FAR2: variants seen among roughly 807,000 people sequenced by gnomAD.
The protein encoded by FAR2 is fatty acyl-CoA reductase 2.
A neutral mutation model predicts 56.0 loss-of-function variants in FAR2; 19 were observed. The observed-to-expected ratio is 0.34, with a 90% CI of 0.24 to 0.50. The LOEUF is 0.50. Among genes scored for constraint, FAR2 ranks in the 20% least tolerant of loss-of-function variants. The probability of loss-of-function intolerance (pLI) is 0.98; values close to 1 mark genes in which losing one functional copy is unlikely to be tolerated. For synonymous variants in FAR2, 219 were observed against 218.8 expected (o/e 1.00, Z -0.01); for missense variants, 508 against 642.2 (o/e 0.79, Z 2.26).
intron 1 of FAR2, among the ~76,000 whole-genome samples, chr12:29,266,266 A>T (rs1052898183): frequency 6.6e-6 from 1 of 152,236 alleles, no homozygotes; most frequent in African/African-American, 2.4e-5. Context: ...CCAAGTGTCC[A>T]TCAATAGATG....
intron 1 of FAR2, among the ~76,000 whole-genome samples, chr12:29,264,653 A>C (rs1459993643): frequency 9.0e-6 from 1 of 110,816 alleles, no homozygotes; most frequent in East Asian, 3.1e-4. Context: ...ATAAATAAAT[A>C]AATAAAGGAG....
At chr12:29,187,508 A>G (rs1285353441) in intron 1 of FAR2, among the ~76,000 whole-genome samples, 1 of 152,180 alleles carries the variant, frequency 6.6e-6, no homozygotes, top group Admixed American at 6.5e-5. Context: ...AAGTATATTG[A>G]GCCTGTACAT....
intron 1 of FAR2, among the ~76,000 whole-genome samples, chr12:29,203,427 A>G (rs1419742511): frequency 6.6e-6 from 1 of 152,190 alleles, no homozygotes; most frequent in East Asian, 1.9e-4. Context: ...TTTGGTACAC[A>G]TGATAGAATC....
At chr12:29,299,052 A>AGT (rs1949115751) in intron 4 of FAR2, among the ~76,000 whole-genome samples, 1 of 151,860 alleles carries the variant, frequency 6.6e-6, no homozygotes, top group Non-Finnish European at 1.5e-5. Flanking sequence ...TGTCTCTACT[A>AGT]AATACAAAAA....
chr12:29,272,404 C>A (rs1382681127), intron 2 of FAR2, among the ~76,000 whole-genome samples: 1 of 152,170 alleles, frequency 6.6e-6, no homozygotes, highest in East Asian at 1.9e-4. Flanking sequence ...GATATCCTTT[C>A]TTCCACTCAG....
chr12:29,275,649 T>C (rs1364069716), intron 2 of FAR2, among the ~76,000 whole-genome samples: 1 of 152,184 alleles, frequency 6.6e-6, no homozygotes, highest in Non-Finnish European at 1.5e-5. Flanking sequence ...TAGGCCATCT[T>C]GGTCGCACCT....
intron 1 of FAR2, among the ~76,000 whole-genome samples, chr12:29,240,435 T>C (rs567243287): frequency 6.6e-6 from 1 of 152,038 alleles, no homozygotes; most frequent in Non-Finnish European, 1.5e-5. Context: ...TGCTCCACTT[T>C]CCAAAAGTAC....
chr12:29,151,866 T>A (rs1949683703), intron 1 of FAR2: 1 of 152,226 alleles, frequency 6.6e-6, no homozygotes. Flanking sequence ...AGGTAATAAT[T>A]GTAAAAAATG....
At chr12:29,328,156 G>A (rs11050197) in intron 10 of FAR2, among the ~76,000 whole-genome samples, 46,805 of 151,818 alleles carry the variant, frequency 0.31, 7,273 homozygotes, top group East Asian at 0.35. Context: ...ATGAAAAAAT[G>A]CTCATCATCA....
At chr12:29,178,995 T>C (rs1029846708) in intron 1 of FAR2, among the ~76,000 whole-genome samples, 1 of 152,086 alleles carries the variant, frequency 6.6e-6, no homozygotes, top group Non-Finnish European at 1.5e-5. Flanking sequence ...CTCTCTCTCT[T>C]TGGCTGGTAG....
At chr12:29,288,335 T>G (rs1029840739) in intron 2 of FAR2, among the ~76,000 whole-genome samples, 2 of 152,152 alleles carry the variant, frequency 1.3e-5, no homozygotes, top group South Asian at 4.1e-4. Flanking sequence ...TACCTCTCAG[T>G]CTTGTGCCAT....
chr12:29,299,213 CAA>C (rs71042981), intron 4 of FAR2, among the ~76,000 whole-genome samples: 11,592 of 103,284 alleles, frequency 0.11, 559 homozygotes, highest in East Asian at 0.18. Flanking sequence ...AACTTTGTCT[CAA>C]AAAAAAAAAA....
intron 1 of FAR2, among the ~76,000 whole-genome samples, chr12:29,214,289 A>G (rs1331823580): frequency 1.3e-5 from 2 of 152,224 alleles, no homozygotes; most frequent in Non-Finnish European, 2.9e-5. Context: ...CATATAAAGT[A>G]GGCCTTACTA....
intron 1 of FAR2, among the ~76,000 whole-genome samples, chr12:29,185,496 C>A (rs16933990): frequency 1.3e-5 from 2 of 152,002 alleles, no homozygotes; most frequent in Admixed American, 6.5e-5. Flanking sequence ...AACATTATAC[C>A]GGGTGAACAA....
intron 1 of FAR2, among the ~76,000 whole-genome samples, chr12:29,223,391 G>A (rs779815562): frequency 6.6e-6 from 1 of 152,208 alleles, no homozygotes; most frequent in Non-Finnish European, 1.5e-5. Context: ...TCCATATACT[G>A]TGTCATATTC....
intron 1 of FAR2, among the ~76,000 whole-genome samples, chr12:29,163,746 G>A (rs1949801668): frequency 6.6e-6 from 1 of 152,212 alleles, no homozygotes; most frequent in African/African-American, 2.4e-5. Flanking sequence ...GTGGAGACTG[G>A]GAGACAGATT....
chr12:29,273,496 C>A (rs778747967), intron 2 of FAR2, among the ~76,000 whole-genome samples: 12 of 152,218 alleles, frequency 7.9e-5, no homozygotes, highest in African/African-American at 1.2e-4. Flanking sequence ...ACCAAGCCAT[C>A]CAGCCTTCCT....
chr12:29,177,714 G>A (rs1184418962), intron 1 of FAR2, among the ~76,000 whole-genome samples: 3 of 152,096 alleles, frequency 2.0e-5, no homozygotes, highest in African/African-American at 7.2e-5. Flanking sequence ...CTAGAGTGGG[G>A]CATTTACTCT....
At chr12:29,226,180 A>G (rs915043414) in intron 1 of FAR2, among the ~76,000 whole-genome samples, 8 of 152,286 alleles carry the variant, frequency 5.3e-5, no homozygotes, top group Non-Finnish European at 7.4e-5. Flanking sequence ...ATTCTTATCT[A>G]TTTTGTTGGA....
Sources: gnomAD v4.1 joint callset for allele counts (sites outside exome capture counted in the v4.1 genomes callset) on GRCh38, gnomAD v4.1.1 for gene constraint, MANE v1.5 for transcripts, NCBI Gene and HGNC (gene_info 2026-07-23, HGNC 2026-07-21) for gene names.